CIB4: variants seen among roughly 807,000 people sequenced by gnomAD.
CIB4 encodes calcium and integrin binding family member 4.
CIB4 carries 25 observed loss-of-function variants against 25.8 expected under a neutral mutation model. The observed-to-expected ratio is 0.97, with a 90% confidence interval of 0.71 to 1.35. The LOEUF (loss-of-function observed/expected upper bound fraction) is 1.35, where lower values mean the gene tolerates loss of function less well. CIB4 is among the 40% of genes most tolerant of loss of function. The probability of loss-of-function intolerance (pLI) is 0.00; values close to 1 mark genes in which losing one functional copy is unlikely to be tolerated. For missense variants in CIB4, 235 were observed against 228.2 expected, an observed-to-expected ratio of 1.03 and a Z score of -0.19; for synonymous variants, 75 against 81.4, an observed-to-expected ratio of 0.92 and a Z score of 0.42.
intron 4 of CIB4, among the ~76,000 whole-genome samples, chr2:26,591,966 G>T (rs1279386983): frequency 6.6e-6 from 1 of 152,226 alleles, no homozygotes; most frequent in Non-Finnish European, 1.5e-5. Context: ...AGGCACCCCG[G>T]CCAGAACCTT....
At chr2:26,603,839 A>T (rs115182695) in intron 3 of CIB4, among the ~76,000 whole-genome samples, 1,774 of 151,424 alleles carry the variant, frequency 0.012, 42 homozygotes, top group African/African-American at 0.041. Flanking sequence ...TCTCTATTTT[A>T]AAAAAATACA....
chr2:26,590,259 A>T (rs373100847), intron 4 of CIB4, among the ~76,000 whole-genome samples: 14 of 17,810 alleles, frequency 7.9e-4, no homozygotes, highest in African/African-American at 1.3e-3. Flanking sequence ...AAGCATCTGT[A>T]AAAAAAAAAA....
chr2:26,620,752 A>C (rs1016410715), intron 3 of CIB4, among the ~76,000 whole-genome samples: 4 of 152,184 alleles, frequency 2.6e-5, no homozygotes, highest in Admixed American at 2.6e-4. Flanking sequence ...CTTGATGACC[A>C]GATATCTGAG....
At chr2:26,617,631 G>A (rs1465668805) in intron 3 of CIB4, among the ~76,000 whole-genome samples, 3 of 152,196 alleles carry the variant, frequency 2.0e-5, no homozygotes, top group Non-Finnish European at 1.5e-5. Context: ...TCATTAACAA[G>A]CCAGGGAGAC....
chr2:26,621,155 C>T (rs534459266), intron 3 of CIB4, among the ~76,000 whole-genome samples: 195 of 150,684 alleles, frequency 1.3e-3, no homozygotes, highest in Non-Finnish European at 2.5e-3. Flanking sequence ...GTGGGTCCTC[C>T]GCGTGCCTCA....
intron 3 of CIB4, among the ~76,000 whole-genome samples, chr2:26,622,631 T>C (rs1265037390): frequency 1.3e-5 from 2 of 152,066 alleles, no homozygotes; most frequent in East Asian, 1.9e-4. Flanking sequence ...AGAGGAAATG[T>C]GGCAACCCTC....
intron 4 of CIB4, among the ~76,000 whole-genome samples, chr2:26,589,060 C>CTTCTTCTTCTTCT (rs762556634): frequency 6.9e-4 from 25 of 36,488 alleles, no homozygotes; most frequent in East Asian, 6.8e-3. Flanking sequence ...CTTCTTCTTC[C>CTTCTTCTTCTTCT]TCTTCCTCTT....
intron 3 of CIB4, among the ~76,000 whole-genome samples, chr2:26,626,888 G>T (rs1669320329): frequency 6.6e-6 from 1 of 152,204 alleles, no homozygotes; most frequent in African/African-American, 2.4e-5. Context: ...AACAGGGGAA[G>T]CATAAAAGAT....
At chr2:26,625,769 T>G (rs559396923) in intron 3 of CIB4, among the ~76,000 whole-genome samples, 5 of 152,278 alleles carry the variant, frequency 3.3e-5, no homozygotes, top group Admixed American at 3.3e-4. Context: ...TTTGCTTTTG[T>G]TGCAATTGCT....
At chr2:26,608,115 G>C (rs898040474) in intron 3 of CIB4, among the ~76,000 whole-genome samples, 1 of 152,128 alleles carries the variant, frequency 6.6e-6, no homozygotes, top group Non-Finnish European at 1.5e-5. Context: ...GCGCATGCCT[G>C]TAATCTCAGC....
At chr2:26,611,722 C>A (rs1399911866) in intron 3 of CIB4, among the ~76,000 whole-genome samples, 2 of 152,046 alleles carry the variant, frequency 1.3e-5, no homozygotes, top group South Asian at 2.1e-4. Flanking sequence ...AATAAATAAA[C>A]CCCTGGAAAG....
chr2:26,622,877 GA>G (rs1669232108), intron 3 of CIB4, among the ~76,000 whole-genome samples: 1 of 152,156 alleles, frequency 6.6e-6, no homozygotes, highest in South Asian at 2.1e-4. Context: ...CAGCTACTCA[GA>G]AGGCTGGGGC....
chr2:26,640,471 G>C (rs983315845), intron 2 of CIB4, 62 bp downstream of exon 2: 9 of 1,560,718 alleles, frequency 5.8e-6, no homozygotes, highest in Non-Finnish European at 7.9e-6. Flanking sequence ...CTGTATTAGG[G>C]CAAGAATCCA....
intron 4 of CIB4, among the ~76,000 whole-genome samples, chr2:26,591,341 T>C (rs1201960926): frequency 1.3e-5 from 2 of 152,074 alleles, no homozygotes; most frequent in East Asian, 1.9e-4. Flanking sequence ...CTACAGGCCA[T>C]GTGGGGGCCG....
intron 1 of CIB4, 124 bp downstream of exon 1, chr2:26,641,137 G>A: frequency 2.6e-6 from 2 of 767,880 alleles, no homozygotes; most frequent in Non-Finnish European, 4.8e-6. Context: ...TTCTTCCAAT[G>A]TGGCCCAGGG....
rs1004306003 is a variant in CIB4 at position 26,627,331 on chromosome 2, C to T, written c.186+2079G>A. ...GTGGCCCCTTGGAAGTTGTTTCCCT[C>T]TTGGGACCTCAGTTTCCCCATTAAT... On this transcript the variant is annotated intron_variant, in intron 3 of 6. Transcript: ENST00000288861. The surrounding 1 kb of genome is among the most constrained non-coding windows in gnomAD (Gnocchi z 4.0). Among the ~76,000 whole-genome samples the T allele has an allele frequency of 6.6e-6, 1 of 152,224 alleles. No homozygotes were observed. The highest frequency in any genetic ancestry group is 2.4e-5 in the African/African-American group (1 of 41,460).
intron 2 of CIB4, among the ~76,000 whole-genome samples, chr2:26,640,261 G>A (rs1669609951): frequency 1.3e-5 from 2 of 152,344 alleles, no homozygotes; most frequent in African/African-American, 4.8e-5. Flanking sequence ...GTTCTGTCCA[G>A]CTCCATGATC....
intron 4 of CIB4, among the ~76,000 whole-genome samples, chr2:26,584,724 T>C (rs1212343889): frequency 6.6e-6 from 1 of 152,156 alleles, no homozygotes; most frequent in Non-Finnish European, 1.5e-5. Flanking sequence ...CTCCTTACAT[T>C]TCACATCCCC....
chr2:26,589,026 C>CTTG (rs1668515732), intron 4 of CIB4, among the ~76,000 whole-genome samples: 1 of 34,166 alleles, frequency 2.9e-5, no homozygotes, highest in Non-Finnish European at 5.8e-5. Flanking sequence ...TCTTCTTCTT[C>CTTG]TTCTTCTTCT....
Sources: gnomAD v4.1 joint callset for allele counts (sites outside exome capture counted in the v4.1 genomes callset) on GRCh38, gnomAD v4.1.1 for gene constraint, Gnocchi (gnomAD v3.1) non-coding constraint, MANE v1.5 for transcripts, NCBI Gene and HGNC (gene_info 2026-07-23, HGNC 2026-07-21) for gene names.